Variants in CDH18 observed in about 807,000 individuals in gnomAD.
CDH18 encodes the protein cadherin 18.
CDH18 carries 31 observed loss-of-function variants against 67.9 expected under a neutral mutation model. The observed-to-expected ratio is 0.46, with a 90% CI of 0.34 to 0.62. The LOEUF (loss-of-function observed/expected upper bound fraction) is 0.62, where lower values mean the gene tolerates loss of function less well. CDH18 is among the 20% of genes least tolerant of loss of function. The pLI, the probability that CDH18 is intolerant of heterozygous loss-of-function variation, is 0.01. For synonymous variants in CDH18, 362 were observed against 347.2 expected (o/e 1.04, Z -0.48); for missense variants, 890 against 975.5 (o/e 0.91, Z 1.17).
chr5:20,130,075 G>A (rs13168991), intron 2 of CDH18, among the ~76,000 whole-genome samples: 121,176 of 143,204 alleles, frequency 0.85, 52,699 homozygotes, highest in Non-Finnish European at 0.94. Context: ...TATTATTATT[G>A]TTATTATTAT....
intron 2 of CDH18, among the ~76,000 whole-genome samples, chr5:20,025,896 T>TGG: frequency 6.6e-6 from 1 of 152,352 alleles, no homozygotes. Context: ...ATTCATCTCT[T>TGG]GGTCCATTTT....
intron 2 of CDH18, among the ~76,000 whole-genome samples, chr5:19,958,655 G>C (rs1411961535): frequency 6.6e-6 from 1 of 152,004 alleles, no homozygotes; most frequent in African/African-American, 2.4e-5. Context: ...CACACCAAGA[G>C]CCTGTTAGTG....
intron 2 of CDH18, among the ~76,000 whole-genome samples, chr5:19,938,655 A>G (rs967982771): frequency 2.0e-5 from 3 of 151,530 alleles, no homozygotes; most frequent in African/African-American, 7.2e-5. Context: ...TGAAATAACT[A>G]TCAGGACATA....
intron 2 of CDH18, among the ~76,000 whole-genome samples, chr5:19,906,537 C>T (rs1379504718): frequency 2.6e-5 from 4 of 151,892 alleles, no homozygotes; most frequent in Non-Finnish European, 5.9e-5. Context: ...TGATAACATA[C>T]TATTGTAACC....
intron 5 of CDH18, among the ~76,000 whole-genome samples, chr5:19,719,609 T>C (rs1445720701): frequency 6.6e-6 from 1 of 151,948 alleles, no homozygotes; most frequent in Non-Finnish European, 1.5e-5. Flanking sequence ...TTAATAAGCA[T>C]GTTTTCCTAA....
chr5:19,888,708 T>A (rs1055524956), intron 2 of CDH18, among the ~76,000 whole-genome samples: 1 of 152,154 alleles, frequency 6.6e-6, no homozygotes, highest in African/African-American at 2.4e-5. Flanking sequence ...AATATCACAT[T>A]TAAAAATTTC....
intron 2 of CDH18, among the ~76,000 whole-genome samples, chr5:20,104,741 T>C (rs1580252798): frequency 6.6e-6 from 1 of 152,202 alleles, no homozygotes. Flanking sequence ...AACTCCCTCA[T>C]TGGTTGGAGA....
chr5:19,961,951 T>G (rs1796948144), intron 2 of CDH18, among the ~76,000 whole-genome samples: 1 of 152,044 alleles, frequency 6.6e-6, no homozygotes. Context: ...CTCTGCAAGT[T>G]TTTTAAATAA....
chr5:19,780,410 A>C (rs1774965547), intron 3 of CDH18, among the ~76,000 whole-genome samples: 1 of 152,028 alleles, frequency 6.6e-6, no homozygotes, highest in African/African-American at 2.4e-5. Flanking sequence ...TTCACATGTT[A>C]ATTTTATGTT....
intron 1 of CDH18, among the ~76,000 whole-genome samples, chr5:20,331,148 T>A (rs1336065068): frequency 1.3e-5 from 2 of 152,212 alleles, no homozygotes; most frequent in Non-Finnish European, 2.9e-5. Flanking sequence ...TAATGATAGA[T>A]CTATGTTTTC....
intron 2 of CDH18, among the ~76,000 whole-genome samples, chr5:19,994,403 T>C (rs184541734): frequency 3.3e-5 from 5 of 151,466 alleles, no homozygotes; most frequent in African/African-American, 9.7e-5. Flanking sequence ...GTAATGTTGT[T>C]AATAACTTTC....
At chr5:20,340,232 G>T (rs1740143345) in intron 1 of CDH18, among the ~76,000 whole-genome samples, 1 of 152,148 alleles carries the variant, frequency 6.6e-6, no homozygotes, top group East Asian at 1.9e-4. Context: ...GAAAGGACAA[G>T]TTTATTACCC....
intron 1 of CDH18, among the ~76,000 whole-genome samples, chr5:20,500,013 A>G (rs1034405607): frequency 3.3e-5 from 5 of 152,100 alleles, no homozygotes; most frequent in Admixed American, 3.3e-4. Context: ...TTAAATTGTC[A>G]CAGACCATTG....
chr5:19,788,082 T>C (rs1475023926), intron 3 of CDH18, among the ~76,000 whole-genome samples: 1 of 152,108 alleles, frequency 6.6e-6, no homozygotes, highest in East Asian at 1.9e-4. Flanking sequence ...GGAAAACCTG[T>C]TGCATGTGTT....
At chr5:19,614,360 T>A (rs904653877) in intron 5 of CDH18, among the ~76,000 whole-genome samples, 1 of 150,922 alleles carries the variant, frequency 6.6e-6, no homozygotes, top group African/African-American at 2.4e-5. Context: ...GAAATGAAAA[T>A]TATTCTTATC....
intron 2 of CDH18, among the ~76,000 whole-genome samples, chr5:19,876,345 AC>A (rs1457887463): frequency 3.9e-5 from 6 of 152,076 alleles, no homozygotes; most frequent in African/African-American, 1.2e-4. Context: ...CTTATTTTTC[AC>A]TGCCTACTCC....
chr5:19,610,072 G>A (rs1748695527), intron 6 of CDH18, among the ~76,000 whole-genome samples: 2 of 152,084 alleles, frequency 1.3e-5, no homozygotes. Context: ...TTCAAATGGA[G>A]TGCGAAATAA....
chr5:19,956,679 A>G (rs1361687521), intron 2 of CDH18, among the ~76,000 whole-genome samples: 1 of 131,082 alleles, frequency 7.6e-6, no homozygotes, highest in African/African-American at 4.5e-5. Context: ...TAATATAAAT[A>G]GTTATTGCCT....
intron 9 of CDH18, among the ~76,000 whole-genome samples, chr5:19,528,578 G>A (rs1359318117): frequency 1.3e-5 from 2 of 151,740 alleles, no homozygotes; most frequent in African/African-American, 2.4e-5. Flanking sequence ...CTCAATGTAG[G>A]AGTATGGACC....
Sources: allele counts gnomAD v4.1 joint callset (sites outside exome capture counted in the v4.1 genomes callset), GRCh38; gene constraint gnomAD v4.1.1; transcripts MANE v1.5; gene names NCBI Gene and HGNC (gene_info 2026-07-23, HGNC 2026-07-21).